The following OXR1 variants were observed in gnomAD, a reference collection of about 807,000 sequenced individuals.
OXR1 encodes the protein oxidation resistance 1, also known as oxidation resistance protein 1.
Under a neutral mutation model 104.6 loss-of-function variants are expected in OXR1, and 41 were observed. That is an observed-to-expected ratio of 0.39 (90% CI 0.31 to 0.51). The LOEUF (loss-of-function observed/expected upper bound fraction) is 0.51, where lower values mean the gene tolerates loss of function less well. Among genes scored for constraint, OXR1 ranks in the 20% least tolerant of loss-of-function variants. OXR1 has a pLI of 0.77. For missense variants in OXR1, 955 were observed against 1,031.9 expected (o/e 0.93, Z 1.02); for synonymous variants, 348 against 348.4 (o/e 1.00, Z 0.01).
chr8:106,311,896 C>T (rs1384741256), intron 1 of OXR1, among the ~76,000 whole-genome samples: 1 of 152,046 alleles, frequency 6.6e-6, no homozygotes, highest in Non-Finnish European at 1.5e-5. Context: ...TTATAATTTG[C>T]ACCCTGTCTC....
At chr8:106,447,875 G>A (rs1159315896) in intron 2 of OXR1, 6 of 1,483,640 alleles carry the variant, frequency 4.0e-6, no homozygotes, top group Non-Finnish European at 5.4e-6. Context: ...TCTGATACTA[G>A]CCCCACCCCC....
chr8:106,642,473 T>C (rs1823732257), intron 3 of OXR1, among the ~76,000 whole-genome samples: 1 of 152,190 alleles, frequency 6.6e-6, no homozygotes, highest in Non-Finnish European at 1.5e-5. Flanking sequence ...TCATATTTAA[T>C]AAATGGCTTC....
chr8:106,274,083 AT>A (rs1395796086), intron 1 of OXR1, among the ~76,000 whole-genome samples: 4 of 152,244 alleles, frequency 2.6e-5, no homozygotes, highest in African/African-American at 7.2e-5. Context: ...ACACCCCAAA[AT>A]ATTCCAAAAT....
At chr8:106,459,369 G>A (rs1280393066) in intron 2 of OXR1, among the ~76,000 whole-genome samples, 1 of 151,954 alleles carries the variant, frequency 6.6e-6, no homozygotes, top group African/African-American at 2.4e-5. Context: ...CAGCAAGAAG[G>A]CCCTCATAAG....
intron 7 of OXR1, 110 bp downstream of exon 7, chr8:106,692,987 A>G: frequency 1.3e-6 from 1 of 745,056 alleles, no homozygotes; most frequent in Non-Finnish European, 2.1e-6. Context: ...ATGCTTGAAT[A>G]TTATAGAAAG....
chr8:106,603,439 AAAT>A, intron 3 of OXR1, among the ~76,000 whole-genome samples: 1 of 152,320 alleles, frequency 6.6e-6, no homozygotes, highest in Non-Finnish European at 1.5e-5. Context: ...TGTATTTTTT[AAAT>A]GGTATATGGT....
intron 2 of OXR1, among the ~76,000 whole-genome samples, chr8:106,456,023 T>C (rs1439276689): frequency 6.6e-6 from 1 of 152,222 alleles, no homozygotes; most frequent in African/African-American, 2.4e-5. Context: ...CTTCAATCTA[T>C]ACAGGAAGTT....
intron 16 of OXR1, among the ~76,000 whole-genome samples, chr8:106,746,730 C>G (rs1036719832): frequency 6.6e-6 from 1 of 152,064 alleles, no homozygotes; most frequent in Non-Finnish European, 1.5e-5. Flanking sequence ...GTTATTGTAG[C>G]CTTCTCTGTT....
chr8:106,378,035 T>A (rs751474170), intron 2 of OXR1, among the ~76,000 whole-genome samples: 72 of 152,208 alleles, frequency 4.7e-4, no homozygotes, highest in South Asian at 8.3e-4. Flanking sequence ...TTCATGTGGT[T>A]ATCAAATACC....
intron 1 of OXR1, among the ~76,000 whole-genome samples, chr8:106,326,325 C>T (rs6469058): frequency 0.32 from 47,981 of 152,096 alleles, 10,103 homozygotes; most frequent in African/African-American, 0.6. Context: ...TAAATTTTCT[C>T]GTGTTTACAT....
chr8:106,585,174 C>T (rs1217975205), intron 3 of OXR1, among the ~76,000 whole-genome samples: 1 of 152,082 alleles, frequency 6.6e-6, no homozygotes, highest in Non-Finnish European at 1.5e-5. Flanking sequence ...ATTTTATCAT[C>T]ATCTCCAGTC....
At chr8:106,335,474 T>G (rs938283850) in intron 1 of OXR1, among the ~76,000 whole-genome samples, 2 of 152,176 alleles carry the variant, frequency 1.3e-5, no homozygotes, top group African/African-American at 2.4e-5. Flanking sequence ...ATACTGCCCT[T>G]CTGGGTATCC....
At chr8:106,425,545 A>C (rs959295518) in intron 2 of OXR1, among the ~76,000 whole-genome samples, 25 of 152,200 alleles carry the variant, frequency 1.6e-4, no homozygotes, top group African/African-American at 5.8e-4. Context: ...AGTCCGCATC[A>C]TTATTGGTCT....
chr8:106,695,085 G>C (rs1475746928), intron 7 of OXR1, among the ~76,000 whole-genome samples: 2 of 149,354 alleles, frequency 1.3e-5, no homozygotes, highest in Non-Finnish European at 3.0e-5. Flanking sequence ...CCCCCTTCCA[G>C]CCTTTGTGTT....
intron 1 of OXR1, among the ~76,000 whole-genome samples, chr8:106,316,732 C>A (rs1307547827): frequency 8.6e-6 from 1 of 116,296 alleles, no homozygotes; most frequent in Non-Finnish European, 1.9e-5. Flanking sequence ...ATCTATCTAT[C>A]TATCTATCTA....
At chr8:106,673,481 A>G (rs934315912) in intron 3 of OXR1, among the ~76,000 whole-genome samples, 1 of 152,238 alleles carries the variant, frequency 6.6e-6, no homozygotes, top group Non-Finnish European at 1.5e-5. Flanking sequence ...AATGGGAAGC[A>G]GAGCTAAAAA....
At chr8:106,431,315 C>T (rs1819350415) in intron 2 of OXR1, among the ~76,000 whole-genome samples, 1 of 152,084 alleles carries the variant, frequency 6.6e-6, no homozygotes, top group Non-Finnish European at 1.5e-5. Flanking sequence ...TAATGATAAA[C>T]TGTTGTTTTA....
Position 106,518,998 on chromosome 8 carries a change from G to T in OXR1, c.79G>T (p.Ala27Ser). ...TAATGCTCCAGGGTTCAACCCTTTG[G>T]CTGGTGCAGGAAAGCAAACACCACA... ...DINAPGFNPL[A>S]GAGKQTPQAS... Residue 27 changes from alanine to serine, a missense_variant, in exon 3 of 17, where the codon GCT (alanine) becomes TCT (serine). This residue lies in a region of OXR1 where 849 missense variants were observed against 852.9 expected (regional missense o/e 1.00). Transcript: ENST00000517566. 1 of 1,551,684 alleles carries T rather than the reference G, an allele frequency of 6.4e-7. No individual in the cohort carries two copies. Among genetic ancestry groups the T allele is most frequent in the African/African-American group, 1.4e-5 (1 of 73,156 alleles).
At chr8:106,415,749 G>T (rs1818652058) in intron 2 of OXR1, among the ~76,000 whole-genome samples, 1 of 151,912 alleles carries the variant, frequency 6.6e-6, no homozygotes, top group Non-Finnish European at 1.5e-5. Flanking sequence ...TTGCCTCTTT[G>T]TCTGCATTCC....
Sources: allele counts gnomAD v4.1 joint callset (sites outside exome capture counted in the v4.1 genomes callset), GRCh38; gene constraint gnomAD v4.1.1; regional missense constraint gnomAD v4.1.1; transcripts MANE v1.5; gene names NCBI Gene and HGNC (gene_info 2026-07-23, HGNC 2026-07-21).